Variants in NRIP1 observed in about 807,000 individuals in gnomAD.
NRIP1 encodes the protein nuclear receptor-interacting protein 1.
NRIP1 carries 28 observed loss-of-function variants against 75.0 expected under a neutral mutation model. The ratio of observed to expected loss-of-function variants is 0.37; its 90% confidence interval spans 0.28 to 0.51. The LOEUF (loss-of-function observed/expected upper bound fraction) is 0.51, where lower values mean the gene tolerates loss of function less well. Ranked by LOEUF, NRIP1 falls within the 20% of genes least tolerant of loss-of-function variation. The pLI, the probability that NRIP1 is intolerant of heterozygous loss-of-function variation, is 0.92. For synonymous variants in NRIP1, 526 were observed against 487.6 expected (o/e 1.08, Z -1.04); for missense variants, 1,435 against 1,343.7 (o/e 1.07, Z -1.06).
At position 14,965,017 on chromosome 21, in the gene NRIP1, G is replaced by GGA; in HGVS notation, c.3174_3175dup (p.Pro1059LeufsTer4). On this transcript the variant is annotated frameshift_variant, in exon 4 of 4. Coordinates refer to ENST00000318948, the MANE Select transcript of NRIP1 (RefSeq NM_003489.4). LOFTEE classifies it high-confidence loss of function. ...TATTGGGTTGGTTTTGGTCAATCTT[G>GGA]GAGAGTCTTTTTCATACTCATTCTT... The GGA allele has an allele frequency of 6.2e-7, 1 of 1,613,830 alleles. No homozygotes were observed. Among genetic ancestry groups the GGA allele is most frequent in the Non-Finnish European group, 8.5e-7 (1 of 1,179,904 alleles).
intron 3 of NRIP1, among the ~76,000 whole-genome samples, chr21:14,973,045 G>T (rs73170284): frequency 0.046 from 6,948 of 152,190 alleles, 486 homozygotes; most frequent in African/African-American, 0.15. Context: ...GAATCCTCTG[G>T]TTTGTTATTT....
intron 2 of NRIP1, among the ~76,000 whole-genome samples, chr21:15,029,644 A>G (rs574105998): frequency 6.6e-6 from 1 of 152,208 alleles, no homozygotes; most frequent in Non-Finnish European, 1.5e-5. Context: ...TAACCGAAAT[A>G]CAGCAGGCAC....
In NRIP1 at chr21:14,966,460, T is replaced by C; in HGVS notation, c.1733A>G (p.Asn578Ser). 6.2e-7 allele frequency: 1 copy of C among 1,614,108 alleles called. No individual in the cohort carries two copies. The change falls in exon 4 of 4, where the codon AAT becomes AGT. Residue 578 changes from asparagine to serine, a missense_variant. Coordinates refer to ENST00000318948, the MANE Select transcript of NRIP1 (RefSeq NM_003489.4). Reference sequence around the variant, plus strand: ...AGTACTGCAGACATATGGTGGGGAATTCCATTTGATGACCAGAGAGTGTTG... The same window carrying C: ...AGTACTGCAGACATATGGTGGGGAACTCCATTTGATGACCAGAGAGTGTTG... ...LSQHSLVIKW[N>S]SPPYVCSTQS...
rs1295406667 is a variant in NRIP1 at position 14,962,430 on chromosome 21, C to T, written c.*2286G>A. The T allele has an allele frequency of 1.3e-5, 2 of 151,786 alleles. No individual in the cohort carries two copies. Among genetic ancestry groups the T allele is most frequent in the African/African-American group, 2.4e-5 (1 of 41,218 alleles). 9.4% of individuals were successfully genotyped at this position (151,786 alleles called of 1,614,324 possible). A position where few individuals can be genotyped will look rare whatever the true frequency, so the allele number is the denominator to read the frequency against. ...AACCAAAAAAACAAAACAAAACCCA[C>T]ACACACACACACAAAAGTAGCAATG... On this transcript the variant is annotated 3_prime_UTR_variant, in exon 4 of 4. Transcript: ENST00000318948.
chr21:15,047,570 A>G lies in NRIP1; in HGVS notation c.-537-3996T>C, dbSNP rs190738979. On this transcript the variant is annotated intron_variant, in intron 1 of 3. Transcript: ENST00000318948. ...TAAATAAATCATTAAAATTAAATTA[A>G]AAAACCATCAGATCTCATGAGAACT... Among the ~76,000 whole-genome samples, 371 of 152,208 alleles carry G rather than the reference A, an allele frequency of 2.4e-3. 1 individual carries two copies. Among genetic ancestry groups the G allele is most frequent in the African/African-American group, 8.5e-3 (355 of 41,532 alleles).
rs539778394 is a variant in NRIP1, at chr21:15,017,710, C to T, written c.-457-3244G>A. The stretch of plus-strand genomic sequence containing the variant: ...CTCTGGAAAATAAATTCTGATTTTT[C>T]CCTACTACTGTTCATCTACAATGGT... On this transcript the variant is annotated intron_variant, in intron 2 of 3. Coordinates refer to ENST00000318948, the MANE Select transcript of NRIP1 (RefSeq NM_003489.4). Among the ~76,000 whole-genome samples the T allele has an allele frequency of 2.6e-5, 4 of 152,264 alleles. No homozygotes were observed. The East Asian group carries it at 5.8e-4, about 22-fold the overall frequency.
intron 1 of NRIP1, among the ~76,000 whole-genome samples, chr21:15,048,613 G>A (rs1462562909): frequency 6.6e-6 from 1 of 152,132 alleles, no homozygotes; most frequent in Non-Finnish European, 1.5e-5. Context: ...TTTTTTAGGA[G>A]CTAAATAAAA....
intron 1 of NRIP1, among the ~76,000 whole-genome samples, chr21:15,048,321 T>C (rs567445795): frequency 6.6e-6 from 1 of 152,214 alleles, no homozygotes; most frequent in East Asian, 1.9e-4. Flanking sequence ...AACAAAATTA[T>C]CTTCAAAGAG....
At chr21:15,040,215 A>G (rs1180105350) in intron 2 of NRIP1, among the ~76,000 whole-genome samples, 2 of 152,110 alleles carry the variant, frequency 1.3e-5, no homozygotes, top group African/African-American at 4.8e-5. Flanking sequence ...TTATTTTTCA[A>G]TGCAAAATAT....
At chr21:14,972,300 T>C (rs763262820) in intron 3 of NRIP1, among the ~76,000 whole-genome samples, 1 of 152,198 alleles carries the variant, frequency 6.6e-6, no homozygotes, top group Non-Finnish European at 1.5e-5. Flanking sequence ...ATCCTTGCCT[T>C]TTCATTTCTA....
chr21:15,057,726 C>T (rs1239161667), intron 1 of NRIP1, among the ~76,000 whole-genome samples: 1 of 152,152 alleles, frequency 6.6e-6, no homozygotes, highest in Non-Finnish European at 1.5e-5. Flanking sequence ...ATGAAATTTG[C>T]CATGTGACCA....
At chr21:14,995,055 TC>T (rs1357880195) in intron 3 of NRIP1, among the ~76,000 whole-genome samples, 1 of 152,248 alleles carries the variant, frequency 6.6e-6, no homozygotes, top group Non-Finnish European at 1.5e-5. Flanking sequence ...TATTCCAATT[TC>T]ATACACATTA....
intron 3 of NRIP1, among the ~76,000 whole-genome samples, chr21:14,976,745 G>A (rs150666494): frequency 2.0e-5 from 3 of 152,160 alleles, no homozygotes; most frequent in African/African-American, 7.2e-5. Flanking sequence ...ATTCTTACAT[G>A]TAGGACTATT....
At chr21:14,972,624 A>T (rs2249465) in intron 3 of NRIP1, among the ~76,000 whole-genome samples, 84,371 of 152,040 alleles carry the variant, frequency 0.55, 24,734 homozygotes, top group African/African-American at 0.75. Flanking sequence ...AATACCTAAA[A>T]GTCAACACAC....
intron 3 of NRIP1, among the ~76,000 whole-genome samples, chr21:15,001,844 T>C (rs1467248490): frequency 6.6e-6 from 1 of 152,188 alleles, no homozygotes; most frequent in African/African-American, 2.4e-5. Context: ...ACTGCTCCCA[T>C]CTGATGGTTA....
At chr21:15,026,811 TATAA>T (rs1465341969) in intron 2 of NRIP1, among the ~76,000 whole-genome samples, 2 of 152,126 alleles carry the variant, frequency 1.3e-5, no homozygotes, top group African/African-American at 4.8e-5. Flanking sequence ...CATACAGCAG[TATAA>T]ATAAATTTCA....
chr21:14,973,840 C>A (rs2146971217), intron 3 of NRIP1, among the ~76,000 whole-genome samples: 1 of 118,514 alleles, frequency 8.4e-6, no homozygotes, highest in Non-Finnish European at 1.7e-5. Context: ...CCATGCAGAG[C>A]TGATTTTTTT....
chr21:15,013,748 T>C (rs1266851135), intron 3 of NRIP1, among the ~76,000 whole-genome samples: 1 of 152,214 alleles, frequency 6.6e-6, no homozygotes, highest in Non-Finnish European at 1.5e-5. Context: ...TTGTGTTAAT[T>C]TAATCCAATT....
chr21:15,021,209 A>AT (rs2088365599), intron 2 of NRIP1, among the ~76,000 whole-genome samples: 1 of 152,226 alleles, frequency 6.6e-6, no homozygotes, highest in Non-Finnish European at 1.5e-5. Context: ...CCAACAAAAA[A>AT]AGGGAATGAA....
Sources: allele counts gnomAD v4.1 joint callset (sites outside exome capture counted in the v4.1 genomes callset), GRCh38; gene constraint gnomAD v4.1.1; transcripts MANE v1.5; gene names NCBI Gene and HGNC (gene_info 2026-07-23, HGNC 2026-07-21).